The following PSPC1 variants were observed in gnomAD, a reference collection of about 807,000 sequenced individuals.
The protein encoded by PSPC1 is paraspeckle protein 1.
A neutral mutation model predicts 51.6 loss-of-function variants in PSPC1; 14 were observed. The observed-to-expected ratio is 0.27, with a 90% CI of 0.18 to 0.42. PSPC1 has a LOEUF of 0.42. Ranked by LOEUF, PSPC1 falls within the 10% of genes least tolerant of loss-of-function variation. PSPC1 has a pLI of 1.00. For synonymous variants in PSPC1, 193 were observed against 231.9 expected (o/e 0.83, Z 1.53); for missense variants, 406 against 701.1 (o/e 0.58, Z 4.75).
At chr13:19,694,854 A>C (rs1249943922) in intron 6 of PSPC1, among the ~76,000 whole-genome samples, 1 of 152,198 alleles carries the variant, frequency 6.6e-6, no homozygotes, top group Non-Finnish European at 1.5e-5. Context: ...TTTGTCTCCT[A>C]AGATAGCTAT....
intron 4 of PSPC1, among the ~76,000 whole-genome samples, chr13:19,746,092 G>A (rs559786148): frequency 1.2e-4 from 17 of 147,762 alleles, no homozygotes; most frequent in South Asian, 2.2e-4. Flanking sequence ...TGCAACCTCC[G>A]ACTCCCTAGT....
chr13:19,707,626 A>T (rs887474155), intron 7 of PSPC1, among the ~76,000 whole-genome samples: 5 of 152,186 alleles, frequency 3.3e-5, no homozygotes, highest in African/African-American at 9.6e-5. Context: ...GCTAAAATGT[A>T]AGTAAGTCCT....
chr13:19,685,818 C>T lies in PSPC1; in HGVS notation c.1159-7995G>A, dbSNP rs148455031. On this transcript the variant is annotated intron_variant and NMD_transcript_variant, in intron 6 of 7. Transcript: ENST00000471658. ...TTACAATGACCTCAAGGTTAAAAAT[C>T]AGACTTGAGTTTCTCATTTCCCAAA... Among the ~76,000 whole-genome samples the T allele has an allele frequency of 4.5e-3, 693 of 152,318 alleles. 9 individuals carry two copies. Among genetic ancestry groups the T allele is most frequent in the African/African-American group, 0.015 (636 of 41,570 alleles).
chr13:19,757,730 C>T (rs1018720727), intron 3 of PSPC1, among the ~76,000 whole-genome samples: 1 of 152,186 alleles, frequency 6.6e-6, no homozygotes. Context: ...TATGCTCAGG[C>T]CCACACTGCA....
chr13:19,683,408 G>C (rs547635786), intron 6 of PSPC1, among the ~76,000 whole-genome samples: 3 of 151,948 alleles, frequency 2.0e-5, no homozygotes, highest in Admixed American at 6.5e-5. Context: ...AGAAGCCGGA[G>C]AGAAAAAAGA....
intron 6 of PSPC1, among the ~76,000 whole-genome samples, chr13:19,720,746 T>C (rs1231883835): frequency 3.9e-5 from 6 of 152,116 alleles, no homozygotes; most frequent in South Asian, 2.1e-4. Context: ...AAGAAAACTA[T>C]GGTAAAACAA....
Position 19,751,426 on chromosome 13 carries a change from A to C in PSPC1, c.812T>G (p.Phe271Cys). The C allele has an allele frequency of 6.3e-7, 1 of 1,579,436 alleles. No homozygotes were observed. The highest frequency in any genetic ancestry group is 8.6e-7 in the Non-Finnish European group (1 of 1,167,456). The change falls in exon 4 of 9, where the codon TTT becomes TGT. Residue 271 changes from phenylalanine (F) to cysteine (C), a missense_variant. By Grantham distance (205) the Phe-to-Cys change is radical. Coordinates refer to ENST00000338910, the MANE Select transcript of PSPC1 (RefSeq NM_001354909.2). ...CCATCGAGATGCATACTCAAATTCAAATGTCCCAGGTTGAGCAAAACGTGG... is the reference window on the plus strand; with the variant it reads ...CCATCGAGATGCATACTCAAATTCACATGTCCCAGGTTGAGCAAAACGTGG... ...QPPRFAQPGTFEFEYASRWKA... is the reference protein window; with the variant it reads ...QPPRFAQPGTCEFEYASRWKA...
intron 3 of PSPC1, among the ~76,000 whole-genome samples, chr13:19,751,875 G>A (rs541437551): frequency 1.3e-5 from 2 of 152,152 alleles, no homozygotes; most frequent in East Asian, 3.9e-4. Context: ...GGCTAACGTT[G>A]TGAAATCCCG....
At chr13:19,696,091 C>A (rs970739770) in intron 6 of PSPC1, among the ~76,000 whole-genome samples, 5 of 152,022 alleles carry the variant, frequency 3.3e-5, no homozygotes, top group Admixed American at 1.3e-4. Context: ...AAAGATAACA[C>A]TGATTGCACC....
At chr13:19,695,225 AT>A (rs1448660260) in intron 6 of PSPC1, among the ~76,000 whole-genome samples, 3 of 152,248 alleles carry the variant, frequency 2.0e-5, no homozygotes, top group African/African-American at 7.2e-5. Context: ...CCTAGGGAAT[AT>A]TTCATCCATT....
chr13:19,678,119 A>G (rs1876873506), intron 6 of PSPC1: 1 of 283,020 alleles, frequency 3.5e-6, no homozygotes, highest in Non-Finnish European at 6.9e-6. Flanking sequence ...TAATTTATTA[A>G]GAATTTAATT....
At chr13:19,707,921 A>C (rs1471993310) in intron 7 of PSPC1, among the ~76,000 whole-genome samples, 1 of 150,410 alleles carries the variant, frequency 6.6e-6, no homozygotes, top group Non-Finnish European at 1.5e-5. Context: ...ATTTACTCTT[A>C]AAAAAAGACA....
intron 6 of PSPC1, among the ~76,000 whole-genome samples, chr13:19,692,187 G>A (rs1878651641): frequency 6.6e-6 from 1 of 152,130 alleles, no homozygotes; most frequent in Non-Finnish European, 1.5e-5. Context: ...GCAGTGGTGT[G>A]ATCTCAGCTC....
At chr13:19,759,693 T>C (rs915481409) in intron 2 of PSPC1, among the ~76,000 whole-genome samples, 3 of 151,888 alleles carry the variant, frequency 2.0e-5, no homozygotes, top group African/African-American at 7.3e-5. Flanking sequence ...AAATTCCATC[T>C]CTAGTAAAAA....
In PSPC1 at chr13:19,759,911, T is replaced by C. The variant is rs537205974; in HGVS notation, c.675-493A>G. On this transcript the variant is annotated intron_variant, in intron 2 of 8. Transcript: ENST00000338910. The stretch of plus-strand genomic sequence containing the variant: ...AAACATTTACTGAGTCAGAGAGAGG[T>C]GAATGTCAAAAGCCACAAAAAGATG... Among the ~76,000 whole-genome samples the C allele has an allele frequency of 4.8e-4, 70 of 146,086 alleles. 1 individual carries two copies. Among genetic ancestry groups the C allele is most frequent in the African/African-American group, 9.1e-4 (36 of 39,758 alleles).
intron 5 of PSPC1, among the ~76,000 whole-genome samples, chr13:19,739,436 C>T (rs897007328): frequency 9.9e-5 from 15 of 152,154 alleles, no homozygotes; most frequent in African/African-American, 3.6e-4. Context: ...GAGGAGGTTT[C>T]GTTGTCTTTG....
rs147872986 is a variant in PSPC1 at position 19,744,858 on chromosome 13, C to T, written c.968-3209G>A. ...GATTAAAGGCGTGAGCCACCGCGCCCGGCCCAACTAGAGATGTCTTTATCT... is the reference window on the plus strand; with the variant it reads ...GATTAAAGGCGTGAGCCACCGCGCCTGGCCCAACTAGAGATGTCTTTATCT... On this transcript the variant is annotated intron_variant, in intron 4 of 8. Transcript: ENST00000338910. Among the ~76,000 whole-genome samples the T allele has an allele frequency of 4.5e-4, 69 of 152,232 alleles. 1 individual carries two copies. Among genetic ancestry groups the T allele is most frequent in the Non-Finnish European group, 8.4e-4 (57 of 68,024 alleles).
chr13:19,736,684 A>C (rs1884869746), intron 5 of PSPC1, among the ~76,000 whole-genome samples: 1 of 152,146 alleles, frequency 6.6e-6, no homozygotes, highest in African/African-American at 2.4e-5. Flanking sequence ...CTCCGTCTCG[A>C]AAAAATAAAT....
intron 5 of PSPC1, among the ~76,000 whole-genome samples, chr13:19,731,358 C>A (rs1276353528): frequency 6.6e-6 from 1 of 152,158 alleles, no homozygotes; most frequent in African/African-American, 2.4e-5. Flanking sequence ...AACCAAAAAT[C>A]TGAAAGCATT....
Sources: gnomAD v4.1 joint callset for allele counts (sites outside exome capture counted in the v4.1 genomes callset) on GRCh38, gnomAD v4.1.1 for gene constraint, MANE v1.5 for transcripts, NCBI Gene and HGNC (gene_info 2026-07-23, HGNC 2026-07-21) for gene names.